Variants in MINDY2 observed in about 807,000 individuals in gnomAD.
The protein encoded by MINDY2 is MINDY lysine 48 deubiquitinase 2.
In MINDY2, 52 loss-of-function variants were observed where a neutral mutation model predicts 68.2. The observed-to-expected ratio is 0.76, with a 90% CI of 0.61 to 0.96. The LOEUF is 0.96. MINDY2 is among the 40% of genes least tolerant of loss of function. The pLI is 0.00. For missense variants in MINDY2, 881 were observed against 773.4 expected (o/e 1.14, Z -1.65); for synonymous variants, 372 against 303.0 (o/e 1.23, Z -2.36).
At chr15:58,846,999 T>A (rs1332329745) in intron 6 of MINDY2, among the ~76,000 whole-genome samples, 1 of 152,202 alleles carries the variant, frequency 6.6e-6, no homozygotes, top group Non-Finnish European at 1.5e-5. Flanking sequence ...TTTTTCTATT[T>A]TGTGAAATGA....
chr15:58,841,407 CTTT>C (rs143550992), intron 6 of MINDY2, among the ~76,000 whole-genome samples: 2 of 136,716 alleles, frequency 1.5e-5, no homozygotes, highest in Non-Finnish European at 1.6e-5. Context: ...CCTTTCTTTT[CTTT>C]TTTTTTTTTT....
intron 1 of MINDY2, among the ~76,000 whole-genome samples, chr15:58,784,939 AT>A (rs1196558996): frequency 5.9e-5 from 9 of 151,752 alleles, no homozygotes; most frequent in Middle Eastern, 3.4e-3. Context: ...CCAGCCTGTT[AT>A]TTTTTTCATT....
At chr15:58,813,937 T>C (rs1180444355) in intron 4 of MINDY2, among the ~76,000 whole-genome samples, 4 of 151,320 alleles carry the variant, frequency 2.6e-5, no homozygotes, top group African/African-American at 4.8e-5. Flanking sequence ...ATTTCTTTTT[T>C]TTTTTTTTTT....
At chr15:58,835,640 C>T (rs1262346278) in intron 6 of MINDY2, among the ~76,000 whole-genome samples, 2 of 151,670 alleles carry the variant, frequency 1.3e-5, no homozygotes, top group Non-Finnish European at 2.9e-5. Context: ...GCGACAAGAG[C>T]GAAACTCTGT....
rs568177441 is a variant in MINDY2 at position 58,806,213 on chromosome 15, A to C, written c.963+3836A>C. 2.7e-4 allele frequency among the ~76,000 whole-genome samples: 41 copies of C among 151,402 alleles called. No individual in the cohort carries two copies. The South Asian group carries it at 8.4e-3, about 31-fold the overall frequency. Reference sequence around the variant, plus strand: ...CTCAGCCTCCCAATTAGCTGGGATTACAGGCATGTGCCACCACTCCTGGCT... The same window carrying C: ...CTCAGCCTCCCAATTAGCTGGGATTCCAGGCATGTGCCACCACTCCTGGCT... On this transcript the variant is annotated intron_variant, in intron 3 of 8. Transcript: ENST00000559228.
intron 6 of MINDY2, among the ~76,000 whole-genome samples, chr15:58,838,609 T>A (rs1411878013): frequency 7.9e-6 from 1 of 125,984 alleles, no homozygotes; most frequent in Admixed American, 8.5e-5. Flanking sequence ...TTTTTTGAGA[T>A]GGAGTCTCAC....
rs756047364 is a variant in MINDY2, at chr15:58,831,881, C to G, written c.1333C>G (p.Arg445Gly). The G allele has an allele frequency of 6.2e-7, 1 of 1,613,326 alleles. No homozygotes were observed. Among genetic ancestry groups the G allele is most frequent in the Non-Finnish European group, 8.5e-7 (1 of 1,179,668 alleles). ...VQEGELCVFF[R>G]NNHFSTMTKY... ...GGAAGGAGAACTTTGTGTGTTCTTT[C>G]GGAATAATCATTTTAGCACCATGAC... Residue 445 changes from arginine to glycine, a missense_variant, in exon 6 of 9, where the codon CGG (arginine) becomes GGG (glycine). Transcript: ENST00000559228.
intron 5 of MINDY2, among the ~76,000 whole-genome samples, chr15:58,830,183 AT>A (rs2031637862): frequency 3.9e-5 from 6 of 152,214 alleles, no homozygotes; most frequent in Non-Finnish European, 8.8e-5. Context: ...TGAACACTGA[AT>A]TAGTGAATGC....
intron 4 of MINDY2, among the ~76,000 whole-genome samples, chr15:58,813,688 G>A (rs917247798): frequency 4.6e-5 from 7 of 151,158 alleles, no homozygotes; most frequent in African/African-American, 1.5e-4. Context: ...TCCTCTTGCC[G>A]CAGCCTCCCA....
intron 6 of MINDY2, among the ~76,000 whole-genome samples, chr15:58,842,522 A>G (rs900841354): frequency 3.3e-5 from 5 of 152,222 alleles, no homozygotes; most frequent in African/African-American, 9.6e-5. Context: ...GCTGGTTGAT[A>G]TATCAAAAAT....
intron 6 of MINDY2, among the ~76,000 whole-genome samples, chr15:58,836,295 A>G (rs936823981): frequency 6.6e-6 from 1 of 150,740 alleles, no homozygotes; most frequent in Non-Finnish European, 1.5e-5. Flanking sequence ...GATGGAGTGC[A>G]GTGGCTACTA....
intron 2 of MINDY2, among the ~76,000 whole-genome samples, chr15:58,801,130 C>T (rs552697395): frequency 1.7e-4 from 26 of 151,946 alleles, no homozygotes; most frequent in Admixed American, 5.9e-4. Context: ...CATGCCACTA[C>T]GCCTGGCTAA....
chr15:58,857,602 G>A lies in MINDY2; in HGVS notation c.*2992G>A, dbSNP rs1435119030. ...TTTCTTAAATTTTGCCCAAGGTAACGTTATATATCCCACCACTTCATTGCT... is the reference window on the plus strand; with the variant it reads ...TTTCTTAAATTTTGCCCAAGGTAACATTATATATCCCACCACTTCATTGCT... On this transcript the variant is annotated 3_prime_UTR_variant, in exon 9 of 9. Coordinates refer to ENST00000559228, the MANE Select transcript of MINDY2 (RefSeq NM_001040450.3). 2.0e-5 allele frequency: 3 copies of A among 150,500 alleles called. No homozygotes were observed. Among genetic ancestry groups the A allele is most frequent in the East Asian group, 1.9e-4 (1 of 5,148 alleles). 9.3% of individuals were successfully genotyped at this position (150,500 alleles called of 1,614,324 possible).
intron 2 of MINDY2, chr15:58,796,127 A>C (rs1902266499): frequency 2.2e-6 from 1 of 455,828 alleles, no homozygotes; most frequent in Admixed American, 2.4e-5. Context: ...AGGGCAGAAA[A>C]CTTTTGAGAA....
intron 2 of MINDY2, among the ~76,000 whole-genome samples, chr15:58,793,496 A>G (rs1902073659): frequency 6.6e-6 from 1 of 152,202 alleles, no homozygotes; most frequent in South Asian, 2.1e-4. Flanking sequence ...AAATTAGATT[A>G]TGATGATAGT....
At chr15:58,852,067 G>A in intron 8 of MINDY2, 102 bp downstream of exon 8, 2 of 881,352 alleles carry the variant, frequency 2.3e-6, no homozygotes, top group Non-Finnish European at 1.7e-6. Flanking sequence ...CAGGCAGATT[G>A]CTTGAGCCCA....
At chr15:58,815,880 A>T (rs865981773) in intron 4 of MINDY2, among the ~76,000 whole-genome samples, 11 of 150,974 alleles carry the variant, frequency 7.3e-5, no homozygotes, top group African/African-American at 2.4e-4. Flanking sequence ...GGGCTTCATC[A>T]TGTTGGTCAG....
At chr15:58,827,887 T>C (rs556131446) in intron 5 of MINDY2, among the ~76,000 whole-genome samples, 1 of 152,306 alleles carries the variant, frequency 6.6e-6, no homozygotes, top group East Asian at 1.9e-4. Context: ...TAAGCACTTA[T>C]TTTTTGGCAC....
intron 4 of MINDY2, among the ~76,000 whole-genome samples, chr15:58,818,297 C>T (rs1222573306): frequency 4.6e-5 from 7 of 152,162 alleles, no homozygotes; most frequent in Non-Finnish European, 8.8e-5. Context: ...CTTACTCTGA[C>T]ACCCAGGCTA....
Sources: gnomAD v4.1 joint callset for allele counts (sites outside exome capture counted in the v4.1 genomes callset) on GRCh38, gnomAD v4.1.1 for gene constraint, MANE v1.5 for transcripts, NCBI Gene and HGNC (gene_info 2026-07-23, HGNC 2026-07-21) for gene names.